Variants in FAM111A observed in about 807,000 individuals in gnomAD.
FAM111A encodes the protein serine protease FAM111A.
In FAM111A, 8 loss-of-function variants were observed where a neutral mutation model predicts 3.3. The observed-to-expected ratio is 2.39, with a 90% CI of 1.40 to 4.32. FAM111A has a LOEUF of 4.32. Ranked by LOEUF, FAM111A falls within the 30% of genes most tolerant of loss-of-function variation. The probability of loss-of-function intolerance (pLI) is 0.00; values close to 1 mark genes in which losing one functional copy is unlikely to be tolerated. For missense variants in FAM111A, 683 were observed against 727.6 expected (o/e 0.94, Z 0.71); for synonymous variants, 227 against 243.1 (o/e 0.93, Z 0.62).
intron 5 of FAM111A, 40 bp from the exon 6 acceptor site, chr11:59,151,710 T>C: frequency 7.0e-7 from 1 of 1,422,562 alleles, no homozygotes; most frequent in Non-Finnish European, 9.5e-7. Context: ...AAGACTCGGG[T>C]TGCATTCAGA....
In FAM111A at chr11:59,153,102, A is replaced by G. The variant is rs767475718; in HGVS notation, c.1434A>G (p.Glu478=). 7.2e-5 allele frequency: 116 copies of G among 1,614,096 alleles called. No individual in the cohort carries two copies. Among genetic ancestry groups the G allele is most frequent in the Non-Finnish European group, 9.2e-5 (109 of 1,180,038 alleles). Residue 478 remains glutamate (E), a synonymous_variant, in exon 6 of 6, where the codon GAA becomes GAG. Transcript: ENST00000675163. ...LIHIIGHPYG[E]KKQIDACAVI... ...ATATTATTGGCCATCCATATGGAGA[A>G]AAAAAGCAGATTGATGCTTGTGCTG...
In FAM111A at chr11:59,153,636, G is replaced by C. The variant is rs1862003226; in HGVS notation, c.*132G>C. ...ATATTGACCATTTCCTATCTGCCAG[G>C]CATTTTTCTAAGCACATGAAGAAAT... On this transcript the variant is annotated 3_prime_UTR_variant, in exon 6 of 6. Coordinates refer to ENST00000675163, the MANE Select transcript of FAM111A (RefSeq NM_001312909.2). 1.4e-6 allele frequency: 1 copy of C among 692,808 alleles called. No homozygotes were observed. Among genetic ancestry groups the C allele is most frequent in the South Asian group, 2.2e-5 (1 of 46,022 alleles). The allele number at this position is 692,808 out of a possible 1,614,324, so 42.9% of individuals were successfully genotyped here.
chr11:59,151,918 G>A lies in FAM111A; in HGVS notation c.250G>A (p.Val84Ile). 1.2e-6 allele frequency: 2 copies of A among 1,614,116 alleles called. No individual in the cohort carries two copies. Among genetic ancestry groups the A allele is most frequent in the East Asian group, 2.2e-5 (1 of 44,882 alleles). ...QNRTIYVTLK[V>I]NHRRNQDMKL... ...TAGGACAATATATGTTACCTTGAAG[G>A]TAAACCACAGGAGAAACCAAGATAT... The change falls in exon 6 of 6, where the codon GTA becomes ATA. Residue 84 changes from valine (V) to isoleucine (I), a missense_variant. Physicochemically the swap from Val to Ile is conservative, Grantham distance 29 (BLOSUM62 3). Coordinates refer to ENST00000675163, the MANE Select transcript of FAM111A (RefSeq NM_001312909.2).
rs368238427 is a variant in FAM111A, at chr11:59,152,106, T to C, written c.438T>C (p.Cys146=). ...TAAACCTTGGAATGCCCCTCAGTTGTTTCCCTGAAGGTGGCCAGGTGGTCA... is the reference window on the plus strand; with the variant it reads ...TAAACCTTGGAATGCCCCTCAGTTGCTTCCCTGAAGGTGGCCAGGTGGTCA... The part of the protein sequence containing the change: ...EYINLGMPLS[C]FPEGGQVVIT... The change falls in exon 6 of 6, where the codon TGT becomes TGC. Residue 146 remains cysteine (C), a synonymous_variant. Coordinates refer to ENST00000675163, the MANE Select transcript of FAM111A (RefSeq NM_001312909.2). 3.1e-6 allele frequency: 5 copies of C among 1,614,054 alleles called. No individual in the cohort carries two copies. In the African/African-American group the frequency reaches 5.3e-5, roughly 17 times the overall value.
At position 59,153,307 on chromosome 11, in the gene FAM111A, G is replaced by C; in HGVS notation, c.1639G>C (p.Asp547His). Residue 547 changes from aspartate to histidine, a missense_variant, in exon 6 of 6, where the codon GAT becomes CAT. Coordinates refer to ENST00000675163, the MANE Select transcript of FAM111A (RefSeq NM_001312909.2). ...FFGASGSPVFDSKGSLVAMHA... is the reference protein window; with the variant it reads ...FFGASGSPVFHSKGSLVAMHA... ...TGGGGCTTCCGGCTCCCCTGTGTTT[G>C]ATTCAAAAGGTTCATTGGTGGCCAT... is the stretch of plus-strand genomic sequence containing the variant. The C allele has an allele frequency of 6.2e-7, 1 of 1,614,164 alleles. No homozygotes were observed. The highest frequency in any genetic ancestry group is 1.7e-5 in the Admixed American group (1 of 60,024).
Position 59,153,399 on chromosome 11 carries a change from C to T in FAM111A, c.1731C>T (p.Thr577=), listed in dbSNP as rs1320427582. ...GTAGTATCATTGAGTTTGGCTCTAC[C>T]ATGGAATCCATCCTCCTTGATATTA... ...ETRSIIEFGS[T]MESILLDIKQ... The change falls in exon 6 of 6, where the codon ACC becomes ACT. Residue 577 remains threonine, a synonymous_variant. Coordinates refer to ENST00000675163, the MANE Select transcript of FAM111A (RefSeq NM_001312909.2). 9 of 1,613,940 alleles carry T rather than the reference C, an allele frequency of 5.6e-6. 1 individual carries two copies. The highest frequency in any genetic ancestry group is 7.6e-6 in the Non-Finnish European group (9 of 1,179,992).
At chr11:59,150,264 C>T (rs12796215) in intron 5 of FAM111A, among the ~76,000 whole-genome samples, 2,568 of 152,170 alleles carry the variant, frequency 0.017, 39 homozygotes, top group Non-Finnish European at 0.028. Flanking sequence ...TATATGTGAG[C>T]CCAGGGTAAA....
rs11229840 is a variant in FAM111A, at chr11:59,143,453, T to G, written c.-305-44T>G. ...GGGCACTGACGCTCTCCCTGGAAACTTAAAAAGAACAGCCAAGTGAACGGA... is the reference window on the plus strand; with the variant it reads ...GGGCACTGACGCTCTCCCTGGAAACGTAAAAAGAACAGCCAAGTGAACGGA... On this transcript the variant is annotated intron_variant, in intron 2 of 5. Coordinates refer to ENST00000675163, the MANE Select transcript of FAM111A (RefSeq NM_001312909.2). 37,228 of 152,106 alleles carry G rather than the reference T, an allele frequency of 0.24. 4,770 individuals are homozygous for G. Among genetic ancestry groups the G allele is most frequent in the African/African-American group, 0.33 (13,654 of 41,440 alleles). The allele number at this position is 152,106 out of a possible 1,614,324, so 9.4% of individuals were successfully genotyped here.
rs1283051368 is a variant in FAM111A at position 59,152,706 on chromosome 11, A to T, written c.1038A>T (p.Val346=). The T allele has an allele frequency of 1.2e-6, 2 of 1,614,086 alleles. No individual in the cohort carries two copies. The highest frequency in any genetic ancestry group is 2.7e-5 in the African/African-American group (2 of 74,948). The change falls in exon 6 of 6, where the codon GTA becomes GTT. Residue 346 remains valine, a synonymous_variant. Coordinates refer to ENST00000675163, the MANE Select transcript of FAM111A (RefSeq NM_001312909.2). ...CAAAAAATTCTTCTTCGATTAAAGT[A>T]GTGAAACTTCTTGTACGTCTCAGTG... The part of the protein sequence containing the change: ...KVTKNSSSIK[V]VKLLVRLSDS...
intron 4 of FAM111A, among the ~76,000 whole-genome samples, chr11:59,147,708 A>C (rs1342274579): frequency 6.6e-6 from 1 of 152,232 alleles, no homozygotes; most frequent in East Asian, 1.9e-4. Context: ...ATTGGCAAAA[A>C]AATGAACAAT....
chr11:59,150,537 G>A (rs2135467235), intron 5 of FAM111A, among the ~76,000 whole-genome samples: 1 of 152,204 alleles, frequency 6.6e-6, no homozygotes, highest in South Asian at 2.1e-4. Context: ...TTTAGACATA[G>A]GAAACAGACA....
At position 59,152,682 on chromosome 11, in the gene FAM111A, A is replaced by AAAAAATTCTTCTTCGATTAAAGTAGT. The variant is rs772649899; in HGVS notation, c.1015_1040dup (p.Leu349IlefsTer7). The AAAAAATTCTTCTTCGATTAAAGTAGT allele has an allele frequency of 6.2e-7, 1 of 1,614,186 alleles. No homozygotes were observed. Among genetic ancestry groups the AAAAAATTCTTCTTCGATTAAAGTAGT allele is most frequent in the South Asian group, 1.1e-5 (1 of 91,080 alleles). On this transcript the variant is annotated frameshift_variant, in exon 6 of 6. Transcript: ENST00000675163. LOFTEE classifies it low-confidence loss of function (END_TRUNC). Reference sequence around the variant, plus strand: ...ATAGAACAACGTTTGGGAAAGTAACAAAAAATTCTTCTTCGATTAAAGTAG... The same window carrying AAAAAATTCTTCTTCGATTAAAGTAGT: ...ATAGAACAACGTTTGGGAAAGTAACAAAAAATTCTTCTTCGATTAAAGTAGTAAAAATTCTTCTTCGATTAAAGTAG...
At chr11:59,151,284 G>A (rs1363529738) in intron 5 of FAM111A, among the ~76,000 whole-genome samples, 1 of 152,206 alleles carries the variant, frequency 6.6e-6, no homozygotes, top group East Asian at 1.9e-4. Context: ...CCAAGTAGCT[G>A]AGATTACAGG....
At position 59,152,424 on chromosome 11, in the gene FAM111A, C is replaced by G. The variant is rs778734687; in HGVS notation, c.756C>G (p.Ser252Arg). Residue 252 changes from serine to arginine, a missense_variant, in exon 6 of 6, where the codon AGC becomes AGG. Physicochemically the swap from Ser to Arg is moderately radical, Grantham distance 110. Transcript: ENST00000675163. ...AAAACAATGACACCATTTTAGAAAGCACCCAGCCAGTTGATGAATTAGAAG... is the reference window on the plus strand; with the variant it reads ...AAAACAATGACACCATTTTAGAAAGGACCCAGCCAGTTGATGAATTAGAAG... ...LIENNDTILESTQPVDELEGR... is the reference protein window; with the variant it reads ...LIENNDTILERTQPVDELEGR... The G allele has an allele frequency of 4.3e-6, 7 of 1,614,108 alleles. No homozygotes were observed. The East Asian group carries it at 1.6e-4, about 36-fold the overall frequency.
rs1157281534 is a variant in FAM111A at position 59,152,414 on chromosome 11, T to G, written c.746T>G (p.Ile249Ser). Residue 249 changes from isoleucine to serine, a missense_variant, in exon 6 of 6, where the codon ATT becomes AGT. Transcript: ENST00000675163. ...DWKLIENNDT[I>S]LESTQPVDEL... ...AAACTCATTGAAAACAATGACACCA[T>G]TTTAGAAAGCACCCAGCCAGTTGAT... The G allele has an allele frequency of 6.2e-7, 1 of 1,614,002 alleles. No homozygotes were observed. Among genetic ancestry groups the G allele is most frequent in the African/African-American group, 1.3e-5 (1 of 74,914 alleles).
Position 59,152,993 on chromosome 11 carries a change from T to C in FAM111A, c.1325T>C (p.Val442Ala), listed in dbSNP as rs960606232. 6.2e-7 allele frequency: 1 copy of C among 1,614,024 alleles called. No individual in the cohort carries two copies. The highest frequency in any genetic ancestry group is 1.3e-5 in the African/African-American group (1 of 74,920). ...CATAATGAAGAGCTTGACTATGCTGTCCTGAAACTGAAGGAAAATGGACAA... is the reference window on the plus strand; with the variant it reads ...CATAATGAAGAGCTTGACTATGCTGCCCTGAAACTGAAGGAAAATGGACAA... ...EIHNEELDYAVLKLKENGQQV... is the reference protein window; with the variant it reads ...EIHNEELDYAALKLKENGQQV... The change falls in exon 6 of 6, where the codon GTC (valine) becomes GCC (alanine). Residue 442 changes from valine to alanine, a missense_variant. This residue lies in a region of FAM111A where 557 missense variants were observed against 600.2 expected (regional missense o/e 0.93). Coordinates refer to ENST00000675163, the MANE Select transcript of FAM111A (RefSeq NM_001312909.2).
At chr11:59,145,641 T>G (rs1860759904) in intron 3 of FAM111A, 186 bp from the exon 4 acceptor site, 1 of 152,230 alleles carries the variant, frequency 6.6e-6, no homozygotes, top group Non-Finnish European at 1.5e-5. Context: ...TTCCTTTTTT[T>G]GTCTGTGTCT....
At chr11:59,150,679 G>A (rs1861541200) in intron 5 of FAM111A, among the ~76,000 whole-genome samples, 1 of 152,082 alleles carries the variant, frequency 6.6e-6, no homozygotes, top group South Asian at 2.1e-4. Context: ...TTACAAAAAA[G>A]AATGTATACA....
chr11:59,149,522 A>G (rs1460834047), intron 5 of FAM111A, among the ~76,000 whole-genome samples: 1 of 152,204 alleles, frequency 6.6e-6, no homozygotes, highest in Non-Finnish European at 1.5e-5. Context: ...ATGAAAAACT[A>G]TTGTAATATT....
Sources: allele counts gnomAD v4.1 joint callset (sites outside exome capture counted in the v4.1 genomes callset), GRCh38; gene constraint gnomAD v4.1.1; regional missense constraint gnomAD v4.1.1; transcripts MANE v1.5; gene names NCBI Gene and HGNC (gene_info 2026-07-23, HGNC 2026-07-21).